The following ARHGAP36 variants were observed in gnomAD, a reference collection of about 807,000 sequenced individuals.
The protein encoded by ARHGAP36 is rho GTPase-activating protein 36.
Under a neutral mutation model 32.9 loss-of-function variants are expected in ARHGAP36, and 7 were observed. That is an observed-to-expected ratio of 0.21 (90% CI 0.12 to 0.40). The LOEUF (loss-of-function observed/expected upper bound fraction) is 0.40, where lower values mean the gene tolerates loss of function less well. Ranked by LOEUF, ARHGAP36 falls within the 10% of genes least tolerant of loss-of-function variation. The probability of loss-of-function intolerance (pLI) is 1.00; values close to 1 mark genes in which losing one functional copy is unlikely to be tolerated. For synonymous variants in ARHGAP36, 165 were observed against 168.3 expected (o/e 0.98, Z 0.15); for missense variants, 383 against 442.2 (o/e 0.87, Z 1.20).
intron 1 of ARHGAP36, among the ~76,000 whole-genome samples, chrX:131,068,106 C>G (rs955891132): frequency 2.7e-5 from 3 of 111,846 alleles, no homozygotes; most frequent in African/African-American, 9.8e-5. Flanking sequence ...CACACACAAA[C>G]ACATGCTGCA....
intron 1 of ARHGAP36, among the ~76,000 whole-genome samples, chrX:131,073,559 C>CGAATAGCA (rs1354638439): frequency 8.8e-6 from 1 of 113,060 alleles, no homozygotes; most frequent in Non-Finnish European, 1.9e-5. Flanking sequence ...TCTTCAACTG[C>CGAATAGCA]GAATAGCAGC....
chrX:131,086,026 T>A lies in ARHGAP36; in HGVS notation c.1218T>A (p.Asp406Glu). Residue 406 changes from aspartate to glutamate, a missense_variant, in exon 9 of 12, where the codon GAT (aspartate) becomes GAA (glutamate). This residue lies in a region of ARHGAP36 where 227 missense variants were observed against 311.3 expected (regional missense o/e 0.73). Transcript: ENST00000276211. ...CCAGGAAAACAAAGCTGGGGATTGA[T>A]CACTATGTTGCTTCTGTCAATGTGG... The part of the protein sequence containing the change: ...RESRKTKLGI[D>E]HYVASVNVVR... 8.3e-7 allele frequency: 1 copy of A among 1,211,727 alleles called. No individual in the cohort carries two copies. The highest frequency in any genetic ancestry group is 1.1e-6 in the Non-Finnish European group (1 of 895,524).
At chrX:131,073,546 C>G (rs999121613) in intron 1 of ARHGAP36, among the ~76,000 whole-genome samples, 21 of 113,044 alleles carry the variant, frequency 1.9e-4, no homozygotes, top group Non-Finnish European at 2.8e-4. Flanking sequence ...GTGGTGGGCT[C>G]TCTCTTCAAC....
chrX:131,080,135 A>C (rs1455432727), intron 1 of ARHGAP36, among the ~76,000 whole-genome samples: 1 of 111,929 alleles, frequency 8.9e-6, no homozygotes, highest in Non-Finnish European at 1.9e-5. Flanking sequence ...AGGGCCATCC[A>C]TGATCTCATC....
chrX:131,064,706 G>C (rs1660329323), intron 1 of ARHGAP36, among the ~76,000 whole-genome samples: 2 of 110,864 alleles, frequency 1.8e-5, no homozygotes, highest in South Asian at 3.9e-4. Flanking sequence ...CCAACACAAA[G>C]CTGTCTCATT....
rs201351347 is a variant in ARHGAP36, at chrX:131,085,970, C to G, written c.1162C>G (p.Leu388Val). The change falls in exon 9 of 12, where the codon CTG becomes GTG. Residue 388 changes from leucine (L) to valine (V), a missense_variant. Leu to Val is a conservative substitution (Grantham distance 32). Transcript: ENST00000276211. ...GGCCTTGGTGTTTGGATCTGCTCTC[C>G]TGAAAAAAGGAAAGTTTGGCAAGAG... is the stretch of plus-strand genomic sequence containing the variant. ...NLALVFGSALLKKGKFGKRES... is the reference protein window; with the variant it reads ...NLALVFGSALVKKGKFGKRES... The G allele has an allele frequency of 2.1e-5, 26 of 1,209,860 alleles. No individual in the cohort carries two copies. The highest frequency in any genetic ancestry group is 2.9e-5 in the Non-Finnish European group (26 of 895,165).
intron 1 of ARHGAP36, among the ~76,000 whole-genome samples, chrX:131,067,488 C>T: frequency 8.8e-6 from 1 of 113,158 alleles, no homozygotes; most frequent in Non-Finnish European, 1.9e-5. Flanking sequence ...CAGGCGAACC[C>T]CCACGGTGAA....
intron 7 of ARHGAP36, 67 bp from the exon 8 acceptor site, chrX:131,085,521 C>T (rs1015762625): frequency 4.9e-5 from 55 of 1,129,950 alleles, no homozygotes; most frequent in Non-Finnish European, 6.4e-5. Flanking sequence ...CAGAATCTCA[C>T]CTCCCTTGGT....
chrX:131,088,486 G>A (rs1011798915), intron 11 of ARHGAP36, 142 bp from the exon 12 acceptor site: 1 of 556,406 alleles, frequency 1.8e-6, no homozygotes, highest in Non-Finnish European at 2.8e-6. Flanking sequence ...ATTCTTATAT[G>A]TCAAATGGGG....
At chrX:131,077,878 T>A (rs928459262) in intron 1 of ARHGAP36, among the ~76,000 whole-genome samples, 1 of 107,622 alleles carries the variant, frequency 9.3e-6, no homozygotes, top group Non-Finnish European at 1.9e-5. Flanking sequence ...ACTTTATTAA[T>A]CTGAATAATA....
intron 1 of ARHGAP36, among the ~76,000 whole-genome samples, chrX:131,066,473 T>C (rs1316262681): frequency 8.9e-6 from 1 of 112,015 alleles, no homozygotes; most frequent in Non-Finnish European, 1.9e-5. Flanking sequence ...GAGGTGCACT[T>C]GTGCCTAGAG....
rs763893915 is a variant in ARHGAP36 at position 131,084,356 on chromosome X, A to G, written c.697A>G (p.Lys233Glu). The G allele has an allele frequency of 1.7e-6, 2 of 1,209,441 alleles. No individual in the cohort carries two copies. Among genetic ancestry groups the G allele is most frequent in the African/African-American group, 3.5e-5 (2 of 57,201 alleles). ...GAAGATGAGTCTCAATCCGATTGCG[A>G]AACAAATCCCCCAGGTTGTTGAGGC... ...KRKMSLNPIA[K>E]QIPQVVEACC... The change falls in exon 5 of 12, where the codon AAA becomes GAA. Residue 233 changes from lysine (K) to glutamate (E), a missense_variant. This residue lies in a region of ARHGAP36 where 227 missense variants were observed against 311.3 expected (regional missense o/e 0.73). Transcript: ENST00000276211.
intron 1 of ARHGAP36, among the ~76,000 whole-genome samples, chrX:131,061,226 A>T (rs932667157): frequency 3.6e-4 from 38 of 106,761 alleles, no homozygotes; most frequent in Admixed American, 2.7e-3. Flanking sequence ...ACTCTTTTTT[A>T]AAAAAATTTA....
chrX:131,071,058 G>A (rs937463685), intron 1 of ARHGAP36, among the ~76,000 whole-genome samples: 4 of 111,058 alleles, frequency 3.6e-5, no homozygotes, highest in Non-Finnish European at 7.6e-5. Flanking sequence ...CACAGTGGAG[G>A]GTGCTGGTTG....
Position 131,081,508 on chromosome X carries a change from T to G in ARHGAP36, c.-142-16T>G. 1 of 1,044,457 alleles carries G rather than the reference T, an allele frequency of 9.6e-7. No homozygotes were observed. Among genetic ancestry groups the G allele is most frequent in the Non-Finnish European group, 1.2e-6 (1 of 820,170 alleles). The allele number at this position is 1,044,457 out of a possible 1,213,427, so 86.1% of individuals were successfully genotyped here. A position where few individuals can be genotyped will look rare whatever the true frequency, so the allele number is the denominator to read the frequency against. On this transcript the variant is annotated splice_polypyrimidine_tract_variant and intron_variant, in intron 1 of 11. Transcript: ENST00000276211. ...GGGCTGAATTTTTGAAGTTGGATTT[T>G]TTTTTTCTTTTTTAGCAAAAACAAC...
chrX:131,080,409 A>AG (rs1467168525), intron 1 of ARHGAP36, among the ~76,000 whole-genome samples: 1 of 111,667 alleles, frequency 9.0e-6, no homozygotes, highest in African/African-American at 3.3e-5. Context: ...AAAAAAAAAA[A>AG]AAAAGAAATA....
intron 1 of ARHGAP36, among the ~76,000 whole-genome samples, chrX:131,063,590 G>A (rs2079681086): frequency 9.0e-6 from 1 of 111,295 alleles, no homozygotes; most frequent in Non-Finnish European, 1.9e-5. Context: ...AGAGGGAGGA[G>A]TTGAAGGCAC....
At chrX:131,075,780 G>A (rs973224690) in intron 1 of ARHGAP36, among the ~76,000 whole-genome samples, 20 of 110,876 alleles carry the variant, frequency 1.8e-4, no homozygotes, top group Admixed American at 5.8e-4. Context: ...GACTTTCCCA[G>A]TTCCAGGCAG....
At chrX:131,065,409 A>G (rs2079693286) in intron 1 of ARHGAP36, among the ~76,000 whole-genome samples, 1 of 111,322 alleles carries the variant, frequency 9.0e-6, no homozygotes, top group African/African-American at 3.3e-5. Flanking sequence ...TGGTGTTGAG[A>G]AGCAGGGGCA....
Sources: allele counts gnomAD v4.1 joint callset (sites outside exome capture counted in the v4.1 genomes callset), GRCh38; gene constraint gnomAD v4.1.1; regional missense constraint gnomAD v4.1.1; transcripts MANE v1.5; gene names NCBI Gene and HGNC (gene_info 2026-07-23, HGNC 2026-07-21).